Variants in FHAD1 observed in about 807,000 individuals in gnomAD.
FHAD1 encodes forkhead-associated domain-containing protein 1.
FHAD1 carries 146 observed loss-of-function variants against 191.3 expected under a neutral mutation model. That is an observed-to-expected ratio of 0.76 (90% CI 0.67 to 0.88). The LOEUF is 0.88. Ranked by LOEUF, FHAD1 falls within the 40% of genes least tolerant of loss-of-function variation. The pLI, the probability that FHAD1 is intolerant of heterozygous loss-of-function variation, is 0.00. For synonymous variants in FHAD1, 616 were observed against 672.3 expected, an observed-to-expected ratio of 0.92 and a Z score of 1.29; for missense variants, 1,635 against 1,785.8, an observed-to-expected ratio of 0.92 and a Z score of 1.52.
rs919899979 is a variant in FHAD1, at chr1:15,311,379, C to T, written c.1040-1678C>T. Among the ~76,000 whole-genome samples, 6 of 152,176 alleles carry T rather than the reference C, an allele frequency of 3.9e-5. No homozygotes were observed. Among genetic ancestry groups the T allele is most frequent in the African/African-American group, 7.2e-5 (3 of 41,440 alleles). ...GCAGAGGGAACCATCTCGAAGCCCA[C>T]GTAGGCCTGAGAGTAGCTCACTTTC... On this transcript the variant is annotated intron_variant, in intron 7 of 33. Coordinates refer to ENST00000688493, the MANE Select transcript of FHAD1 (RefSeq NM_001391957.1). The surrounding 1 kb of genome is among the most constrained non-coding windows in gnomAD (Gnocchi z 4.1).
chr1:15,306,914 C>G (rs1670671611), intron 6 of FHAD1, among the ~76,000 whole-genome samples: 1 of 152,186 alleles, frequency 6.6e-6, no homozygotes, highest in Non-Finnish European at 1.5e-5. Flanking sequence ...GGGGCATTGC[C>G]TAGTGGAGCT....
chr1:15,392,517 C>T (rs965840212), intron 33 of FHAD1, among the ~76,000 whole-genome samples: 11 of 151,482 alleles, frequency 7.3e-5, no homozygotes, highest in Admixed American at 4.6e-4. Flanking sequence ...GGGGACACAG[C>T]GAGACTCCGT....
intron 25 of FHAD1, among the ~76,000 whole-genome samples, chr1:15,368,116 C>G (rs1191125379): frequency 2.6e-5 from 4 of 152,284 alleles, no homozygotes; most frequent in Middle Eastern, 6.8e-3. Context: ...GGACTACAGG[C>G]ATGAGCCACC....
rs762963414 is a variant in FHAD1, at chr1:15,345,490, A to G, written c.2313A>G (p.Gln771=). The G allele has an allele frequency of 1.3e-6, 2 of 1,552,128 alleles. No homozygotes were observed. The highest frequency in any genetic ancestry group is 2.7e-5 in the African/African-American group (2 of 73,076). Residue 771 remains glutamine (Q), a synonymous_variant, in exon 18 of 34, where the codon CAA becomes CAG. Transcript: ENST00000688493. The stretch of plus-strand genomic sequence containing the variant: ...TAGAGGAAGAGCAGACAAGAGTCCA[A>G]GAGCTGGAGGAACGCTTGGCCCGCC... ...EALEEEQTRV[Q]ELEERLARQK... is the part of the protein sequence containing the mutation.
chr1:15,272,222 G>C (rs1446263563), intron 2 of FHAD1, 101 bp from the exon 3 acceptor site: 1 of 1,043,952 alleles, frequency 9.6e-7, no homozygotes, highest in Non-Finnish European at 1.4e-6. Flanking sequence ...TTGTCGTGAT[G>C]ATCTGGCGGC....
Position 15,289,477 on chromosome 1 carries a change from G to GC in FHAD1, c.386dup (p.Pro130ThrfsTer99), listed in dbSNP as rs756234754. The GC allele has an allele frequency of 2.6e-6, 4 of 1,551,728 alleles. No homozygotes were observed. The highest frequency in any genetic ancestry group is 1.4e-5 in the African/African-American group (1 of 73,146). On this transcript the variant is annotated frameshift_variant, in exon 4 of 34. Coordinates refer to ENST00000688493, the MANE Select transcript of FHAD1 (RefSeq NM_001391957.1). LOFTEE classifies it high-confidence loss of function. This position sits in a 1 kb window ranked among gnomAD's most constrained non-coding sequence, Gnocchi z 4.2. The stretch of plus-strand genomic sequence containing the variant: ...TCGTGCCACACAGCAGCCAAACCAG[G>GC]CCCCCCCACCATCACATATCCCCTT...
intron 2 of FHAD1, among the ~76,000 whole-genome samples, chr1:15,267,950 A>G (rs568461146): frequency 6.8e-6 from 1 of 148,096 alleles, no homozygotes; most frequent in African/African-American, 2.5e-5. Flanking sequence ...GAATATAAAA[A>G]ATATATATAT....
upstream of FHAD1, among the ~76,000 whole-genome samples, chr1:15,245,909 C>T (rs1379982430): frequency 6.6e-6 from 1 of 152,226 alleles, no homozygotes; most frequent in Non-Finnish European, 1.5e-5. Context: ...GTATATTCCA[C>T]CACAAATCGA....
In FHAD1 at chr1:15,318,011, ATGCTGGTATTAACCCTTCTT is replaced by A; in HGVS notation, c.1365+84_1365+103del. ...TCCCTGTTAGTCCTCTAAGTGGACT[ATGCTGGTATTAACCCTTCTT>A]ACAGCTGAGAAAACTGAGGCTCACA... On this transcript the variant is annotated intron_variant, in intron 10 of 33. Coordinates refer to ENST00000688493, the MANE Select transcript of FHAD1 (RefSeq NM_001391957.1). The surrounding 1 kb of genome is among the most constrained non-coding windows in gnomAD (Gnocchi z 4.1). The A allele has an allele frequency of 1.2e-6, 1 of 867,898 alleles. No homozygotes were observed. The highest frequency in any genetic ancestry group is 1.8e-6 in the Non-Finnish European group (1 of 542,800). 53.8% of individuals were successfully genotyped at this position (867,898 alleles called of 1,614,324 possible).
rs555085119 is a variant in FHAD1, at chr1:15,345,475, G to A, written c.2298G>A (p.Glu766=). 7.1e-6 allele frequency: 11 copies of A among 1,552,320 alleles called. No individual in the cohort carries two copies. Among genetic ancestry groups the A allele is most frequent in the Non-Finnish European group, 9.6e-6 (11 of 1,147,144 alleles). Residue 766 remains glutamate (E), a synonymous_variant, in exon 18 of 34, where the codon GAG becomes GAA. Coordinates refer to ENST00000688493, the MANE Select transcript of FHAD1 (RefSeq NM_001391957.1). ...KNRVKEALEE[E]QTRVQELEER... ...GAGTGAAGGAAGCATTAGAGGAAGA[G>A]CAGACAAGAGTCCAAGAGCTGGAGG...
intron 7 of FHAD1, among the ~76,000 whole-genome samples, chr1:15,309,481 T>G (rs1409353887): frequency 6.6e-6 from 1 of 151,978 alleles, no homozygotes; most frequent in Non-Finnish European, 1.5e-5. Flanking sequence ...CAGAGAGAGA[T>G]CAGTGCTCCA....
At chr1:15,258,626 C>A (rs1649495185) in intron 2 of FHAD1, among the ~76,000 whole-genome samples, 1 of 151,554 alleles carries the variant, frequency 6.6e-6, no homozygotes, top group African/African-American at 2.4e-5. Context: ...GCTCTGTTGC[C>A]CAGGCTGGAG....
chr1:15,351,432 G>A (rs570789649), intron 19 of FHAD1, among the ~76,000 whole-genome samples: 6 of 152,286 alleles, frequency 3.9e-5, no homozygotes, highest in Non-Finnish European at 7.3e-5. Context: ...CCCAGAGGCC[G>A]AGTAGTTAAG....
chr1:15,275,636 C>G (rs556540304), intron 3 of FHAD1, among the ~76,000 whole-genome samples: 30 of 152,262 alleles, frequency 2.0e-4, no homozygotes, highest in African/African-American at 6.0e-4. Flanking sequence ...CTGATGGCTT[C>G]CCTTTCTATT....
intron 3 of FHAD1, among the ~76,000 whole-genome samples, chr1:15,273,328 T>A (rs894409992): frequency 2.2e-4 from 34 of 152,202 alleles, no homozygotes; most frequent in Non-Finnish European, 1.8e-4. Context: ...TGCTTTTTTT[T>A]AAAATGCAGC....
chr1:15,242,632 A>G (rs1645519921), upstream of FHAD1, among the ~76,000 whole-genome samples: 2 of 152,280 alleles, frequency 1.3e-5, no homozygotes, highest in African/African-American at 4.8e-5. Context: ...AGCACATCCT[A>G]TCTCTTATAT....
intron 5 of FHAD1, among the ~76,000 whole-genome samples, chr1:15,298,081 C>T (rs896250888): frequency 3.3e-5 from 5 of 152,156 alleles, no homozygotes; most frequent in African/African-American, 1.2e-4. Context: ...TTGCACATGC[C>T]TGTTAATAGC....
At chr1:15,267,000 GTT>G (rs146295993) in intron 2 of FHAD1, among the ~76,000 whole-genome samples, 92,225 of 151,764 alleles carry the variant, frequency 0.61, 28,300 homozygotes, top group East Asian at 0.83. Flanking sequence ...GTTGCTTCCA[GTT>G]TTTGGCAATT....
chr1:15,327,225 A>G lies in FHAD1; in HGVS notation c.1557+83A>G, dbSNP rs913077840. On this transcript the variant is annotated intron_variant, in intron 12 of 33. Transcript: ENST00000688493. The surrounding 1 kb of genome is among the most constrained non-coding windows in gnomAD (Gnocchi z 5.1). ...GATCTGGATTCCAGACCCTGGGAGC[A>G]TATGTTTCTGTTTTTGTTGGTGGCA... is the stretch of plus-strand genomic sequence containing the variant. 1.6e-5 allele frequency: 14 copies of G among 898,234 alleles called. No individual in the cohort carries two copies. The highest frequency in any genetic ancestry group is 2.2e-5 in the Non-Finnish European group (13 of 579,494). 55.6% of individuals were successfully genotyped at this position (898,234 alleles called of 1,614,324 possible). A position where few individuals can be genotyped will look rare whatever the true frequency, so the allele number is the denominator to read the frequency against.
Sources: gnomAD v4.1 joint callset for allele counts (sites outside exome capture counted in the v4.1 genomes callset) on GRCh38, gnomAD v4.1.1 for gene constraint, Gnocchi (gnomAD v3.1) non-coding constraint, MANE v1.5 for transcripts, NCBI Gene and HGNC (gene_info 2026-07-23, HGNC 2026-07-21) for gene names.